The following HS3ST4 variants were observed in gnomAD, a reference collection of about 807,000 sequenced individuals.
HS3ST4 encodes the protein heparan sulfate glucosamine 3-O-sulfotransferase 4.
HS3ST4 carries 17 observed loss-of-function variants against 29.2 expected under a neutral mutation model. That is an observed-to-expected ratio of 0.58 (90% CI 0.40 to 0.87). HS3ST4 has a LOEUF of 0.87. Ranked by LOEUF, HS3ST4 falls within the 40% of genes least tolerant of loss-of-function variation. The probability of loss-of-function intolerance (pLI) is 0.00; values close to 1 mark genes in which losing one functional copy is unlikely to be tolerated. For missense variants in HS3ST4, 627 were observed against 634.5 expected (o/e 0.99, Z 0.13); for synonymous variants, 314 against 285.7 (o/e 1.10, Z -1.00).
intron 1 of HS3ST4, among the ~76,000 whole-genome samples, chr16:26,026,007 C>T (rs184331800): frequency 1.6e-4 from 25 of 152,196 alleles, no homozygotes; most frequent in African/African-American, 5.1e-4. Context: ...ATCTCTTGAT[C>T]TCGTGGTCTG....
chr16:26,077,196 G>A (rs1188757285), intron 1 of HS3ST4, among the ~76,000 whole-genome samples: 2 of 152,212 alleles, frequency 1.3e-5, no homozygotes, highest in African/African-American at 2.4e-5. Context: ...GTTCCAAGAT[G>A]GTGAACAAAA....
At chr16:25,849,531 G>A (rs751437901) in intron 1 of HS3ST4, among the ~76,000 whole-genome samples, 4 of 151,882 alleles carry the variant, frequency 2.6e-5, no homozygotes, top group East Asian at 1.9e-4. Context: ...ACAGGGGCTC[G>A]GTCTATCACC....
chr16:25,853,611 A>G (rs1330763569), intron 1 of HS3ST4, among the ~76,000 whole-genome samples: 2 of 152,170 alleles, frequency 1.3e-5, no homozygotes, highest in Non-Finnish European at 2.9e-5. Context: ...TTATCATGAA[A>G]GGATGTAGAG....
intron 1 of HS3ST4, among the ~76,000 whole-genome samples, chr16:25,927,332 AAAG>A (rs1297314530): frequency 3.3e-5 from 5 of 152,224 alleles, no homozygotes; most frequent in East Asian, 1.9e-4. Flanking sequence ...GGAAGCAAAG[AAAG>A]AAGAAGATGT....
chr16:26,041,051 A>G (rs1255595335), intron 1 of HS3ST4, among the ~76,000 whole-genome samples: 1 of 152,166 alleles, frequency 6.6e-6, no homozygotes, highest in African/African-American at 2.4e-5. Context: ...GGAATCACCT[A>G]AACAGGCTAG....
intron 1 of HS3ST4, among the ~76,000 whole-genome samples, chr16:25,711,586 A>AT (rs928122935): frequency 8.6e-5 from 13 of 151,364 alleles, no homozygotes; most frequent in African/African-American, 2.9e-4. Context: ...CATGGTGAAG[A>AT]TTTTTTTTTA....
intron 1 of HS3ST4, among the ~76,000 whole-genome samples, chr16:25,772,926 G>T (rs1304138277): frequency 6.6e-6 from 1 of 152,178 alleles, no homozygotes; most frequent in Non-Finnish European, 1.5e-5. Context: ...AAGATGCCAC[G>T]TTCAGCTCTG....
intron 1 of HS3ST4, among the ~76,000 whole-genome samples, chr16:25,848,451 G>A (rs966823700): frequency 1.1e-5 from 1 of 95,160 alleles, no homozygotes; most frequent in Non-Finnish European, 1.9e-5. Context: ...AATTTTAAAC[G>A]AAAAAATAAT....
chr16:26,017,597 G>A (rs1224568687), intron 1 of HS3ST4, among the ~76,000 whole-genome samples: 4 of 152,198 alleles, frequency 2.6e-5, no homozygotes, highest in Non-Finnish European at 5.9e-5. Context: ...TACCAAAGCA[G>A]CACTTTCTAA....
At chr16:25,973,625 G>GT (rs1189598795) in intron 1 of HS3ST4, among the ~76,000 whole-genome samples, 1 of 152,152 alleles carries the variant, frequency 6.6e-6, no homozygotes, top group Non-Finnish European at 1.5e-5. Context: ...TGGGCGTGTG[G>GT]TTTAACCTTT....
At chr16:26,052,341 T>C (rs1252118116) in intron 1 of HS3ST4, among the ~76,000 whole-genome samples, 2 of 152,208 alleles carry the variant, frequency 1.3e-5, no homozygotes, top group African/African-American at 4.8e-5. Flanking sequence ...AATACTCCAA[T>C]GTAAAAAAGT....
At chr16:25,796,977 C>T (rs1966889637) in intron 1 of HS3ST4, among the ~76,000 whole-genome samples, 2 of 152,156 alleles carry the variant, frequency 1.3e-5, no homozygotes, top group Admixed American at 1.3e-4. Flanking sequence ...GGGCCTCCTT[C>T]GGGTTTCAGC....
chr16:26,045,040 CG>C (rs1898248686), intron 1 of HS3ST4, among the ~76,000 whole-genome samples: 1 of 152,110 alleles, frequency 6.6e-6, no homozygotes, highest in Non-Finnish European at 1.5e-5. Flanking sequence ...AGAGCCCATG[CG>C]GCTGTGTAAT....
chr16:25,946,158 G>A (rs576963554), intron 1 of HS3ST4, among the ~76,000 whole-genome samples: 10 of 152,230 alleles, frequency 6.6e-5, no homozygotes, highest in South Asian at 2.1e-4. Context: ...ACAACCTGTC[G>A]AGAGAGTTTG....
intron 1 of HS3ST4, among the ~76,000 whole-genome samples, chr16:25,806,184 C>A (rs2141626343): frequency 6.6e-6 from 1 of 152,144 alleles, no homozygotes; most frequent in African/African-American, 2.4e-5. Context: ...CAAATACTTA[C>A]CTCTGCAGTG....
At chr16:26,024,591 G>A (rs904647111) in intron 1 of HS3ST4, among the ~76,000 whole-genome samples, 1 of 151,808 alleles carries the variant, frequency 6.6e-6, no homozygotes, top group Admixed American at 6.6e-5. Flanking sequence ...AACTAGCAGG[G>A]CATGGTGGTA....
chr16:25,756,461 G>A (rs1966759483), intron 1 of HS3ST4, among the ~76,000 whole-genome samples: 1 of 152,202 alleles, frequency 6.6e-6, no homozygotes, highest in Admixed American at 6.5e-5. Flanking sequence ...AGACAAGACA[G>A]TGGCTGGAGG....
At chr16:25,820,927 G>A (rs1015880550) in intron 1 of HS3ST4, among the ~76,000 whole-genome samples, 2 of 151,966 alleles carry the variant, frequency 1.3e-5, no homozygotes, top group South Asian at 2.1e-4. Context: ...GGACCAAGTC[G>A]AATAAGTGGA....
intron 1 of HS3ST4, among the ~76,000 whole-genome samples, chr16:25,897,936 C>A (rs1346506568): frequency 6.6e-6 from 1 of 152,140 alleles, no homozygotes; most frequent in Non-Finnish European, 1.5e-5. Context: ...CAAGGTGCCT[C>A]ATTTGGGACA....
Sources: gnomAD v4.1 joint callset for allele counts (sites outside exome capture counted in the v4.1 genomes callset) on GRCh38, gnomAD v4.1.1 for gene constraint, MANE v1.5 for transcripts, NCBI Gene and HGNC (gene_info 2026-07-23, HGNC 2026-07-21) for gene names.